GCN1: variants seen among roughly 807,000 people sequenced by gnomAD.
GCN1 encodes the protein stalled ribosome sensor GCN1.
GCN1 carries 90 observed loss-of-function variants against 288.4 expected under a neutral mutation model. The ratio of observed to expected loss-of-function variants is 0.31; its 90% CI spans 0.26 to 0.37. GCN1 has a LOEUF of 0.37. Among genes scored for constraint, GCN1 ranks in the 10% least tolerant of loss-of-function variants. GCN1 has a pLI of 1.00. For synonymous variants in GCN1, 1,386 were observed against 1,420.2 expected (o/e 0.98, Z 0.54); for missense variants, 2,586 against 3,419.9 (o/e 0.76, Z 6.08).
chr12:120,160,864 G>C (rs1264772906), intron 22 of GCN1, among the ~76,000 whole-genome samples: 3 of 152,174 alleles, frequency 2.0e-5, no homozygotes, highest in African/African-American at 7.2e-5. Context: ...AGATGCTTTT[G>C]GGTTATGATA....
chr12:120,181,484 A>G (rs1041750365), intron 5 of GCN1, among the ~76,000 whole-genome samples: 47 of 150,026 alleles, frequency 3.1e-4, no homozygotes, highest in African/African-American at 1.1e-3. Context: ...AAAAAAAAAA[A>G]AAGAAGTCTG....
chr12:120,149,841 T>G (rs1877482468), intron 35 of GCN1, 81 bp downstream of exon 35: 9 of 1,578,360 alleles, frequency 5.7e-6, no homozygotes, highest in Non-Finnish European at 7.8e-6. Flanking sequence ...TGTCAGACCC[T>G]GTGCCAAGGC....
In GCN1 at chr12:120,156,956, G is replaced by A. The variant is rs1473319087; in HGVS notation, c.3124C>T (p.Arg1042Cys). Reference protein sequence around the residue: ...PELLPRVAMLRLLTWVIGTGS... With the variant: ...PELLPRVAMLCLLTWVIGTGS... ...GTCCCGATCACCCAAGTCAGAAGAC[G>A]CAGCATGGCCACGCGAGGCAGCAAC... is the stretch of plus-strand genomic sequence containing the variant. The change falls in exon 27 of 58, where the codon CGT (arginine) becomes TGT (cysteine). Residue 1042 changes from arginine to cysteine, a missense_variant. Physicochemically the swap from Arg to Cys is radical, Grantham distance 180. This residue lies in a region of GCN1 where 153 missense variants were observed against 252.0 expected (regional missense o/e 0.61). Transcript: ENST00000300648. The surrounding 1 kb of genome is among the most constrained non-coding windows in gnomAD (Gnocchi z 5.8). 8.7e-6 allele frequency: 14 copies of A among 1,613,148 alleles called. No homozygotes were observed. Among genetic ancestry groups the A allele is most frequent in the East Asian group, 2.2e-5 (1 of 44,892 alleles).
In GCN1 at chr12:120,190,300, T is replaced by C; in HGVS notation, c.119A>G (p.Lys40Arg). 6.7e-7 allele frequency: 1 copy of C among 1,493,762 alleles called. No individual in the cohort carries two copies. The highest frequency in any genetic ancestry group is 9.3e-7 in the Non-Finnish European group (1 of 1,070,448). The allele number at this position is 1,493,762 out of a possible 1,614,324, so 92.5% of individuals were successfully genotyped here. ...GTATGTGGATGAAAAATAAATACCT[T>C]TTCCAGCAACACACTTCCCAAGTTC... ...LSELGKCVAG[K>R]DLPEGAVKGL... is the part of the protein sequence containing the mutation. The change falls in exon 2 of 58, where the codon AAA becomes AGA. Residue 40 changes from lysine (K) to arginine (R), a missense_variant and splice_region_variant. Lys to Arg is a conservative substitution (Grantham distance 26). This residue lies in a region of GCN1 where 913 missense variants were observed against 1,107.0 expected (regional missense o/e 0.82). Transcript: ENST00000300648.
chr12:120,170,292 G>A lies in GCN1; in HGVS notation c.1396C>T (p.Leu466=). 6.2e-7 allele frequency: 1 copy of A among 1,614,188 alleles called. No individual in the cohort carries two copies. Among genetic ancestry groups the A allele is most frequent in the Non-Finnish European group, 8.5e-7 (1 of 1,179,994 alleles). The change falls in exon 15 of 58, where the codon CTG becomes TTG. Residue 466 remains leucine, a synonymous_variant. Transcript: ENST00000300648. ...TCCACTGTCTGGATGAGCAAGGGCA[G>A]TAAGTCCAGGGCCTGCAACAGCGTG... The part of the protein sequence containing the change: ...GDTLLQALDL[L]PLLIQTVEKA...
intron 20 of GCN1, 29 bp downstream of exon 20, chr12:120,162,818 G>A (rs200053735): frequency 2.0e-4 from 319 of 1,611,416 alleles, no homozygotes; most frequent in Admixed American, 2.3e-4. Context: ...TCCCGGACCT[G>A]AGGCCAGACC....
Position 120,129,484 on chromosome 12 carries a change from T to C in GCN1, c.7682A>G (p.Asn2561Ser). 6.2e-7 allele frequency: 1 copy of C among 1,612,656 alleles called. No individual in the cohort carries two copies. The highest frequency in any genetic ancestry group is 8.5e-7 in the Non-Finnish European group (1 of 1,178,746). The stretch of plus-strand genomic sequence containing the variant: ...CACCAGCCTGATGTCGCTGGATGGG[T>C]TCTGCAGACACTGTAAAAAGAACCA... ...LSSLFVKCLQ[N>S]PSSDIRLVAE... is the part of the protein sequence containing the mutation. Residue 2561 changes from asparagine to serine, a missense_variant, in exon 57 of 58, where the codon AAC (asparagine) becomes AGC (serine). Physicochemically the swap from Asn to Ser is conservative, Grantham distance 46. Around this residue, in one of 8 missense-constraint regions of GCN1, gnomAD observed 355 missense variants for 431.1 expected, o/e 0.82. Coordinates refer to ENST00000300648, the MANE Select transcript of GCN1 (RefSeq NM_006836.2).
At chr12:120,192,392 G>C (rs1879031001) in intron 1 of GCN1, among the ~76,000 whole-genome samples, 1 of 152,182 alleles carries the variant, frequency 6.6e-6, no homozygotes, top group African/African-American at 2.4e-5. Context: ...AAATGTTCTG[G>C]CCAAATACAG....
chr12:120,142,743 CAG>C lies in GCN1; in HGVS notation c.5614-23_5614-22del. 1.2e-6 allele frequency: 2 copies of C among 1,612,456 alleles called. No individual in the cohort carries two copies. Among genetic ancestry groups the C allele is most frequent in the Non-Finnish European group, 1.7e-6 (2 of 1,178,470 alleles). ...ATCGCCTGCAGCCAGTAGAAGGGGA[CAG>C]AGAGTAGTGAAGCCTCTATGGCATG... On this transcript the variant is annotated intron_variant, in intron 43 of 57. Coordinates refer to ENST00000300648, the MANE Select transcript of GCN1 (RefSeq NM_006836.2). This position sits in a 1 kb window ranked among gnomAD's most constrained non-coding sequence, Gnocchi z 4.9.
Position 120,148,151 on chromosome 12 carries a change from C to T in GCN1, c.4726+16G>A. 6.3e-7 allele frequency: 1 copy of T among 1,598,608 alleles called. No homozygotes were observed. The highest frequency in any genetic ancestry group is 8.5e-7 in the Non-Finnish European group (1 of 1,171,240). On this transcript the variant is annotated intron_variant, in intron 37 of 57. Coordinates refer to ENST00000300648, the MANE Select transcript of GCN1 (RefSeq NM_006836.2). ...GGTGGGAGGTCAGGGCAAGCACCCT[C>T]ACGGGAAAGGCCTACCCAGGATCTC...
Position 120,156,957 on chromosome 12 carries a change from C to T in GCN1, c.3123G>A (p.Leu1041=). The T allele has an allele frequency of 6.2e-7, 1 of 1,613,492 alleles. No individual in the cohort carries two copies. Among genetic ancestry groups the T allele is most frequent in the Non-Finnish European group, 8.5e-7 (1 of 1,179,514 alleles). Reference sequence around the variant, plus strand: ...TCCCGATCACCCAAGTCAGAAGACGCAGCATGGCCACGCGAGGCAGCAACT... The same window carrying T: ...TCCCGATCACCCAAGTCAGAAGACGTAGCATGGCCACGCGAGGCAGCAACT... ...GPELLPRVAM[L]RLLTWVIGTG... Residue 1041 remains leucine (L), a synonymous_variant, in exon 27 of 58, where the codon CTG becomes CTA. Transcript: ENST00000300648. The surrounding 1 kb of genome is among the most constrained non-coding windows in gnomAD (Gnocchi z 5.8).
Position 120,171,595 on chromosome 12 carries a change from GATA to G in GCN1, c.1367-1277_1367-1275del, listed in dbSNP as rs200679967. 5.6e-3 allele frequency among the ~76,000 whole-genome samples: 852 copies of G among 152,258 alleles called. 7 individuals are homozygous for G. Among genetic ancestry groups the G allele is most frequent in the African/African-American group, 0.02 (820 of 41,546 alleles). ...ATTTCACAATGAAAGCAGTTTCCCA[GATA>G]ATGTTTTATACTTGAATCCAAGAAA... On this transcript the variant is annotated intron_variant, in intron 14 of 57. Coordinates refer to ENST00000300648, the MANE Select transcript of GCN1 (RefSeq NM_006836.2).
Position 120,153,121 on chromosome 12 carries a change from G to A in GCN1, c.4062+92C>T. 9.4e-7 allele frequency: 1 copy of A among 1,063,534 alleles called. No homozygotes were observed. The highest frequency in any genetic ancestry group is 2.5e-5 in the East Asian group (1 of 39,748). The allele number at this position is 1,063,534 out of a possible 1,614,324, so 65.9% of individuals were successfully genotyped here. A position where few individuals can be genotyped will look rare whatever the true frequency, so the allele number is the denominator to read the frequency against. On this transcript the variant is annotated intron_variant, in intron 33 of 57. Transcript: ENST00000300648. This position sits in a 1 kb window ranked among gnomAD's most constrained non-coding sequence, Gnocchi z 4.4. ...GAACTGGGCTTTCAGGGCCCTGATT[G>A]TCCAACTCCACCCCTAGTATCCCAC...
chr12:120,190,197 C>T (rs561795322), intron 2 of GCN1, 101 bp downstream of exon 2: 2 of 671,960 alleles, frequency 3.0e-6, no homozygotes, highest in East Asian at 5.3e-5. Context: ...TGCACTTCAG[C>T]CAGGGCAACA....
At position 120,191,920 on chromosome 12, in the gene GCN1, C is replaced by T. The variant is rs77315854; in HGVS notation, c.19-1520G>A. 3.8e-3 allele frequency among the ~76,000 whole-genome samples: 575 copies of T among 152,292 alleles called. 4 individuals carry two copies. Among genetic ancestry groups the T allele is most frequent in the African/African-American group, 0.013 (556 of 41,558 alleles). On this transcript the variant is annotated intron_variant, in intron 1 of 57. Transcript: ENST00000300648. ...TTTCAGTTTTGCTACCTTTCCACCA[C>T]AGCTCCCTTTCCTGCTGTGACCCCA... is the stretch of plus-strand genomic sequence containing the variant.
Position 120,150,733 on chromosome 12 carries a change from C to G in GCN1, c.4309+412G>C, listed in dbSNP as rs532782852. Among the ~76,000 whole-genome samples, 6 of 151,744 alleles carry G rather than the reference C, an allele frequency of 4.0e-5. No homozygotes were observed. The South Asian group carries it at 6.2e-4, about 16-fold the overall frequency. On this transcript the variant is annotated intron_variant, in intron 34 of 57. Coordinates refer to ENST00000300648, the MANE Select transcript of GCN1 (RefSeq NM_006836.2). The stretch of plus-strand genomic sequence containing the variant: ...CGGACAGATCACGAGGTCAGGAGAT[C>G]GAGACCATCCTGGCTAACACGGTGA...
At chr12:120,192,871 C>T (rs370907989) in intron 1 of GCN1, among the ~76,000 whole-genome samples, 1 of 150,676 alleles carries the variant, frequency 6.6e-6, no homozygotes, top group East Asian at 2.0e-4. Context: ...ATGGTGAAAC[C>T]CTGTCTCTAC....
At chr12:120,149,098 G>GC (rs1555300291) in intron 36 of GCN1, among the ~76,000 whole-genome samples, 4 of 89,754 alleles carry the variant, frequency 4.5e-5, no homozygotes, top group African/African-American at 2.1e-4. Context: ...GAGCTTTCCT[G>GC]GGGGGGGAAA....
At chr12:120,170,730 C>T (rs1049706337) in intron 14 of GCN1, among the ~76,000 whole-genome samples, 3 of 152,102 alleles carry the variant, frequency 2.0e-5, no homozygotes, top group African/African-American at 4.8e-5. Context: ...CAAGGTCACA[C>T]GGCTAGTTGA....
Sources: gnomAD v4.1 joint callset for allele counts (sites outside exome capture counted in the v4.1 genomes callset) on GRCh38, gnomAD v4.1.1 for gene constraint, gnomAD v4.1.1 regional missense constraint, Gnocchi (gnomAD v3.1) non-coding constraint, MANE v1.5 for transcripts, NCBI Gene and HGNC (gene_info 2026-07-23, HGNC 2026-07-21) for gene names.